The following TFF3 variants were observed in gnomAD, a reference collection of about 807,000 sequenced individuals.
The protein encoded by TFF3 is polypeptide P1.B.
TFF3 carries 6 observed loss-of-function variants against 9.7 expected under a neutral mutation model. The ratio of observed to expected loss-of-function variants is 0.62; its 90% confidence interval spans 0.34 to 1.22. The LOEUF is 1.22. TFF3 is among the 50% of genes most tolerant of loss of function. TFF3 has a pLI of 0.04. For synonymous variants in TFF3, 48 were observed against 41.4 expected (o/e 1.16, Z -0.61); for missense variants, 93 against 98.6 (o/e 0.94, Z 0.24).
At chr21:42,314,992 T>C (rs538245341) in intron 1 of TFF3, among the ~76,000 whole-genome samples, 15 of 152,308 alleles carry the variant, frequency 9.8e-5, no homozygotes, top group African/African-American at 3.4e-4. Flanking sequence ...AAGACCTATA[T>C]TGTAATTTAG....
At position 42,313,424 on chromosome 21, in the gene TFF3, G is replaced by T; in HGVS notation, c.229+61C>A. 6.5e-7 allele frequency: 1 copy of T among 1,544,902 alleles called. No homozygotes were observed. Among genetic ancestry groups the T allele is most frequent in the Non-Finnish European group, 8.7e-7 (1 of 1,146,934 alleles). The stretch of plus-strand genomic sequence containing the variant: ...ATCTCCAGCCCAGAAAGGACAGGGA[G>T]GCCCTGAGACCCCCTGCCTTATGGG... On this transcript the variant is annotated intron_variant, in intron 2 of 2. Transcript: ENST00000518498. The surrounding 1 kb of genome is among the most constrained non-coding windows in gnomAD (Gnocchi z 4.0).
rs2069343388 is a variant in TFF3, at chr21:42,313,640, G to A, written c.83-9C>T. The A allele has an allele frequency of 6.2e-7, 1 of 1,604,220 alleles. No homozygotes were observed. On this transcript the variant is annotated splice_polypyrimidine_tract_variant and intron_variant, in intron 1 of 2. Transcript: ENST00000518498. This position sits in a 1 kb window ranked among gnomAD's most constrained non-coding sequence, Gnocchi z 4.0. ...GGCACACTGGTTTGCAGCTGTCCCA[G>A]ACAAAGCCCTGTCAGCTGCCAGAGC...
Position 42,315,391 on chromosome 21 carries a change from G to A in TFF3, c.-17C>T, listed in dbSNP as rs561102941. ...GGCAGCCATGACCACCGTGGGCTCC[G>A]GGACGCAGCTCAGGACTCGCTTCAT... On this transcript the variant is annotated 5_prime_UTR_variant, in exon 1 of 3. Transcript: ENST00000518498. 90 of 1,614,142 alleles carry A rather than the reference G, an allele frequency of 5.6e-5. No homozygotes were observed. In the East Asian group the frequency reaches 1.1e-3, roughly 20 times the overall value.
Position 42,313,667 on chromosome 21 carries a change from C to T in TFF3, c.83-36G>A. On this transcript the variant is annotated intron_variant, in intron 1 of 2. Transcript: ENST00000518498. The surrounding 1 kb of genome is among the most constrained non-coding windows in gnomAD (Gnocchi z 4.0). ...CAAAGCCCTGTCAGCTGCCAGAGCC[C>T]TTGCTGGGCTGCGGTGAGTGTGTTT... 5 of 1,584,484 alleles carry T rather than the reference C, an allele frequency of 3.2e-6. No individual in the cohort carries two copies. The highest frequency in any genetic ancestry group is 4.3e-6 in the Non-Finnish European group (5 of 1,164,704).
In TFF3 at chr21:42,312,060, C is replaced by T. The variant is rs1300096070; in HGVS notation, c.*196G>A. On this transcript the variant is annotated 3_prime_UTR_variant, in exon 3 of 3. Transcript: ENST00000518498. The stretch of plus-strand genomic sequence containing the variant: ...GCACAACCTCAGAAAGTCTCAGGCA[C>T]GAAGAACTGTCCTCGGGTGGAGCAT... 1.3e-5 allele frequency: 10 copies of T among 775,656 alleles called. No individual in the cohort carries two copies. The highest frequency in any genetic ancestry group is 5.3e-5 in the East Asian group (2 of 37,876). 48.0% of individuals were successfully genotyped at this position (775,656 alleles called of 1,614,324 possible).
In TFF3 at chr21:42,315,400, C is replaced by T; in HGVS notation, c.-26G>A. 1 of 1,614,250 alleles carries T rather than the reference C, an allele frequency of 6.2e-7. No individual in the cohort carries two copies. The highest frequency in any genetic ancestry group is 1.1e-5 in the South Asian group (1 of 91,074). ...GACCACCGTGGGCTCCGGGACGCAG[C>T]TCAGGACTCGCTTCATGGTCCAGGA... On this transcript the variant is annotated 5_prime_UTR_variant, in exon 1 of 3. Coordinates refer to ENST00000518498, the MANE Select transcript of TFF3 (RefSeq NM_003226.4).
chr21:42,315,249 C>T lies in TFF3; in HGVS notation c.82+44G>A, dbSNP rs778585357. 4 of 1,591,930 alleles carry T rather than the reference C, an allele frequency of 2.5e-6. No individual in the cohort carries two copies. In the South Asian group the frequency reaches 3.3e-5, roughly 13 times the overall value. ...TCCCCCCTTATCCTGGATCCCTTCC[C>T]TTCACGCCCACCCTGCCACCGGGGC... On this transcript the variant is annotated intron_variant, in intron 1 of 2. Coordinates refer to ENST00000518498, the MANE Select transcript of TFF3 (RefSeq NM_003226.4).
chr21:42,313,504 G>A lies in TFF3; in HGVS notation c.210C>T (p.Phe70=), dbSNP rs546672128. The change falls in exon 2 of 3, where the codon TTC becomes TTT. Residue 70 remains phenylalanine (F), a synonymous_variant. Transcript: ENST00000518498. This position sits in a 1 kb window ranked among gnomAD's most constrained non-coding sequence, Gnocchi z 4.0. The part of the protein sequence containing the change: ...DSRIPGVPWC[F]KPLQEAECTF ...CCTTACCTGCTTCCTGCAGGGGCTT[G>A]AAACACCAAGGCACTCCAGGGATCC... is the stretch of plus-strand genomic sequence containing the variant. The A allele has an allele frequency of 2.6e-5, 42 of 1,609,434 alleles. No homozygotes were observed. Among genetic ancestry groups the A allele is most frequent in the Non-Finnish European group, 3.2e-5 (38 of 1,178,720 alleles).
chr21:42,312,866 G>A (rs1313271894), intron 2 of TFF3, among the ~76,000 whole-genome samples: 1 of 152,162 alleles, frequency 6.6e-6, no homozygotes, highest in African/African-American at 2.4e-5. Flanking sequence ...CACGATGTGG[G>A]GCAGCTAAGC....
At chr21:42,314,060 G>GC (rs928541672) in intron 1 of TFF3, among the ~76,000 whole-genome samples, 1 of 152,106 alleles carries the variant, frequency 6.6e-6, no homozygotes, top group Non-Finnish European at 1.5e-5. Flanking sequence ...AGAGATCATT[G>GC]CAACGCATGC....
At position 42,311,922 on chromosome 21, in the gene TFF3, A is replaced by T. The variant is rs2069332795; in HGVS notation, c.*334T>A. On this transcript the variant is annotated 3_prime_UTR_variant, in exon 3 of 3. Coordinates refer to ENST00000518498, the MANE Select transcript of TFF3 (RefSeq NM_003226.4). ...TGACGTGGGTGCCAGTCTGGATTCA[A>T]AATATCCTTGCATGCACTGCAGCTC... The T allele has an allele frequency of 1.9e-6, 1 of 530,774 alleles. No individual in the cohort carries two copies. The highest frequency in any genetic ancestry group is 2.1e-5 in the South Asian group (1 of 48,076). 32.9% of individuals were successfully genotyped at this position (530,774 alleles called of 1,614,324 possible).
chr21:42,312,385 AC>A, intron 2 of TFF3, 116 bp from the exon 3 acceptor site: 1 of 1,285,156 alleles, frequency 7.8e-7, no homozygotes, highest in Non-Finnish European at 1.1e-6. Context: ...CCCCAGAGTC[AC>A]CGGGGAGTGT....
In TFF3 at chr21:42,312,240, G is replaced by C; in HGVS notation, c.*16C>G. On this transcript the variant is annotated 3_prime_UTR_variant, in exon 3 of 3. Coordinates refer to ENST00000518498, the MANE Select transcript of TFF3 (RefSeq NM_003226.4). ...CCGAGCCTCGCATCCCCCGGCCGGGGGCAGCTGGAGGTGCCTCAGAAGGTG... is the reference window on the plus strand; with the variant it reads ...CCGAGCCTCGCATCCCCCGGCCGGGCGCAGCTGGAGGTGCCTCAGAAGGTG... The C allele has an allele frequency of 6.2e-7, 1 of 1,613,430 alleles. No individual in the cohort carries two copies. The highest frequency in any genetic ancestry group is 8.5e-7 in the Non-Finnish European group (1 of 1,179,704).
intron 1 of TFF3, among the ~76,000 whole-genome samples, chr21:42,315,024 A>G (rs1285717716): frequency 6.6e-6 from 1 of 152,202 alleles, no homozygotes; most frequent in Non-Finnish European, 1.5e-5. Flanking sequence ...AAAGATGGCT[A>G]TGGGGTCATA....
Position 42,313,469 on chromosome 21 carries a change from G to C in TFF3, c.229+16C>G. 6.3e-7 allele frequency: 1 copy of C among 1,597,208 alleles called. No homozygotes were observed. Among genetic ancestry groups the C allele is most frequent in the East Asian group, 2.3e-5 (1 of 43,828 alleles). ...TATGGGGCTGGGCCCAGACCACGAT[G>C]CCACTGGGGCCTTACCTGCTTCCTG... On this transcript the variant is annotated intron_variant, in intron 2 of 2. Transcript: ENST00000518498. The surrounding 1 kb of genome is among the most constrained non-coding windows in gnomAD (Gnocchi z 4.0).
In TFF3 at chr21:42,312,281, G is replaced by A. The variant is rs1490983150; in HGVS notation, c.230-12C>T. On this transcript the variant is annotated splice_polypyrimidine_tract_variant and intron_variant, in intron 2 of 2. Transcript: ENST00000518498. ...TCAGAAGGTGCATTCTGCAAACAGAGCAAAGGCTTGTGTGAGCAGTCTCTC... is the reference window on the plus strand; with the variant it reads ...TCAGAAGGTGCATTCTGCAAACAGAACAAAGGCTTGTGTGAGCAGTCTCTC... 2 of 1,598,738 alleles carry A rather than the reference G, an allele frequency of 1.3e-6. No homozygotes were observed. Among genetic ancestry groups the A allele is most frequent in the African/African-American group, 1.3e-5 (1 of 74,576 alleles).
rs11546960 is a variant in TFF3, at chr21:42,315,334, G to A, written c.41C>T (p.Ala14Val). 6.2e-7 allele frequency: 1 copy of A among 1,614,132 alleles called. No individual in the cohort carries two copies. The change falls in exon 1 of 3, where the codon GCC becomes GTC. Residue 14 changes from alanine to valine, a missense_variant. Ala to Val is a moderately conservative substitution (Grantham distance 64, BLOSUM62 0). Transcript: ENST00000518498. ...CTCAGCAGAGCTGGAGGACAGCAAG[G>A]CCAGGACCAGCCCCAGCATGCAGAG... ...RALCMLGLVL[A>V]LLSSSSAEEY...
rs1470132319 is a variant in TFF3, at chr21:42,311,832, A to G, written c.*424T>C. On this transcript the variant is annotated 3_prime_UTR_variant, in exon 3 of 3. Transcript: ENST00000518498. ...AGACTTGTGATTTTTGAAAACTTCT[A>G]CCTGAAATGTATTTTTTCTGCTTTC... is the stretch of plus-strand genomic sequence containing the variant. 3 of 319,548 alleles carry G rather than the reference A, an allele frequency of 9.4e-6. No individual in the cohort carries two copies. The highest frequency in any genetic ancestry group is 6.5e-5 in the African/African-American group (3 of 45,818). 19.8% of individuals were successfully genotyped at this position (319,548 alleles called of 1,614,324 possible).
At chr21:42,312,401 T>G in intron 2 of TFF3, 132 bp from the exon 3 acceptor site, 1 of 1,072,860 alleles carries the variant, frequency 9.3e-7, no homozygotes, top group Non-Finnish European at 1.3e-6. Context: ...GAGTGTTGAG[T>G]CCCCACCACA....
Sources: gnomAD v4.1 joint callset for allele counts (sites outside exome capture counted in the v4.1 genomes callset) on GRCh38, gnomAD v4.1.1 for gene constraint, Gnocchi (gnomAD v3.1) non-coding constraint, MANE v1.5 for transcripts, NCBI Gene and HGNC (gene_info 2026-07-23, HGNC 2026-07-21) for gene names.